Variants in TATDN2 observed in about 807,000 individuals in gnomAD.
The protein encoded by TATDN2 is 3'-5' RNA nuclease TATDN2.
TATDN2 carries 44 observed loss-of-function variants against 60.3 expected under a neutral mutation model. The ratio of observed to expected loss-of-function variants is 0.73; its 90% confidence interval spans 0.57 to 0.94. The LOEUF (loss-of-function observed/expected upper bound fraction) is 0.94. Among genes scored for constraint, TATDN2 ranks in the 40% least tolerant of loss-of-function variants. The pLI is 0.00. For missense variants in TATDN2, 997 were observed against 948.0 expected (o/e 1.05, Z -0.68); for synonymous variants, 399 against 355.8 (o/e 1.12, Z -1.37).
At chr3:10,262,527 CTTTTTTTTT>C (rs60747520) in intron 3 of TATDN2, among the ~76,000 whole-genome samples, 957 of 60,036 alleles carry the variant, frequency 0.016, 26 homozygotes, top group South Asian at 0.084. Context: ...TTCTTCTGGG[CTTTTTTTTT>C]TTTTTTTTTT....
chr3:10,259,684 C>G (rs922830529), intron 2 of TATDN2, among the ~76,000 whole-genome samples: 1 of 152,186 alleles, frequency 6.6e-6, no homozygotes, highest in Non-Finnish European at 1.5e-5. Flanking sequence ...GGGAAAAACA[C>G]TGCACTCAGA....
chr3:10,278,626 G>C lies in TATDN2; in HGVS notation c.2145+164G>C, dbSNP rs1698673131. On this transcript the variant is annotated intron_variant, in intron 6 of 7. Transcript: ENST00000448281. This position sits in a 1 kb window ranked among gnomAD's most constrained non-coding sequence, Gnocchi z 4.7. The stretch of plus-strand genomic sequence containing the variant: ...GTTACTCTGCAGAACCAAAAGTCTA[G>C]GGGGCTGAGAAGCTGAAGGGTAACC... The C allele has an allele frequency of 9.3e-7, 1 of 1,072,598 alleles. No homozygotes were observed. Among genetic ancestry groups the C allele is most frequent in the Non-Finnish European group, 1.4e-6 (1 of 713,730 alleles). 66.4% of individuals were successfully genotyped at this position (1,072,598 alleles called of 1,614,324 possible). A position where few individuals can be genotyped will look rare whatever the true frequency, so the allele number is the denominator to read the frequency against.
chr3:10,264,206 C>T (rs1698447004), intron 3 of TATDN2, among the ~76,000 whole-genome samples: 1 of 152,136 alleles, frequency 6.6e-6, no homozygotes, highest in Non-Finnish European at 1.5e-5. Flanking sequence ...TTTTAATGTT[C>T]TTCTGTAACT....
At chr3:10,271,141 G>A in intron 4 of TATDN2, 126 bp downstream of exon 4, 2 of 1,259,160 alleles carry the variant, frequency 1.6e-6, no homozygotes, top group Non-Finnish European at 2.1e-6. Flanking sequence ...CAGTGTGCTT[G>A]CTCTCATCCA....
intron 2 of TATDN2, among the ~76,000 whole-genome samples, chr3:10,257,302 A>ATATATATATATATATATATATATATG (rs1184346665): frequency 6.8e-6 from 1 of 147,768 alleles, no homozygotes; most frequent in African/African-American, 2.5e-5. Context: ...AATTATATAT[A>ATATATATATATATATATATATATATG]TATATATATA....
At chr3:10,276,596 T>C in intron 5 of TATDN2, 108 bp downstream of exon 5, 1 of 1,438,740 alleles carries the variant, frequency 7.0e-7, no homozygotes, top group South Asian at 1.4e-5. Context: ...CTATTCTTTT[T>C]TTTTTTTTTC....
chr3:10,257,588 C>T (rs1359669816), intron 2 of TATDN2, among the ~76,000 whole-genome samples: 3 of 130,376 alleles, frequency 2.3e-5, no homozygotes, highest in African/African-American at 8.7e-5. Flanking sequence ...GAGATCGCAC[C>T]ACTGTCTCCA....
At chr3:10,261,713 C>T (rs190714467) in intron 3 of TATDN2, among the ~76,000 whole-genome samples, 3 of 152,322 alleles carry the variant, frequency 2.0e-5, no homozygotes, top group Admixed American at 6.5e-5. Flanking sequence ...TACTACTGCT[C>T]TGCAGGCAGC....
chr3:10,262,684 C>T (rs181433433), intron 3 of TATDN2, among the ~76,000 whole-genome samples: 11 of 150,206 alleles, frequency 7.3e-5, no homozygotes, highest in South Asian at 2.1e-4. Flanking sequence ...TACAGGCACA[C>T]GCCACCACAC....
At chr3:10,264,846 T>C (rs561504242) in intron 3 of TATDN2, among the ~76,000 whole-genome samples, 117 of 152,094 alleles carry the variant, frequency 7.7e-4, no homozygotes, top group African/African-American at 2.7e-3. Flanking sequence ...GCCTGTCTAA[T>C]TTTTGTATTT....
chr3:10,275,781 AG>A (rs1378532398), intron 4 of TATDN2, among the ~76,000 whole-genome samples: 2 of 148,398 alleles, frequency 1.3e-5, no homozygotes, highest in African/African-American at 2.5e-5. Flanking sequence ...AAAAAAACAA[AG>A]CAAGTTGTAG....
chr3:10,256,159 T>C (rs1380470957), intron 2 of TATDN2, among the ~76,000 whole-genome samples: 1 of 152,084 alleles, frequency 6.6e-6, no homozygotes, highest in Non-Finnish European at 1.5e-5. Context: ...TTCTTGTGTG[T>C]TATTACTATT....
At chr3:10,265,915 C>G (rs569276703) in intron 3 of TATDN2, among the ~76,000 whole-genome samples, 156 of 152,156 alleles carry the variant, frequency 1.0e-3, no homozygotes, top group African/African-American at 3.6e-3. Flanking sequence ...GCGGCTTCAC[C>G]CTCACTTTGG....
chr3:10,273,204 C>T (rs1698591101), intron 4 of TATDN2, among the ~76,000 whole-genome samples: 1 of 152,094 alleles, frequency 6.6e-6, no homozygotes, highest in South Asian at 2.1e-4. Context: ...GAGTTGCTGG[C>T]TGGGAGAGGG....
At chr3:10,265,802 A>T (rs188451212) in intron 3 of TATDN2, among the ~76,000 whole-genome samples, 245 of 152,056 alleles carry the variant, frequency 1.6e-3, no homozygotes, top group African/African-American at 5.4e-3. Context: ...CCAAGCATCA[A>T]CTTTTGTCCT....
intron 4 of TATDN2, among the ~76,000 whole-genome samples, chr3:10,272,872 CAAAAA>C (rs796447999): frequency 7.5e-6 from 1 of 133,654 alleles, no homozygotes; most frequent in Non-Finnish European, 1.6e-5. Context: ...CTATCTCTAC[CAAAAA>C]AAAAAAAAAA....
chr3:10,278,687 G>A lies in TATDN2; in HGVS notation c.2146-198G>A. 1 of 976,328 alleles carries A rather than the reference G, an allele frequency of 1.0e-6. No individual in the cohort carries two copies. The highest frequency in any genetic ancestry group is 1.4e-5 in the South Asian group (1 of 73,106). The allele number at this position is 976,328 out of a possible 1,614,324, so 60.5% of individuals were successfully genotyped here. ...AGGCAGTGCAAAGCCCTACCCTGTA[G>A]AGGGTAGTCCAAGGAAGCGTGGGAC... is the stretch of plus-strand genomic sequence containing the variant. On this transcript the variant is annotated intron_variant, in intron 6 of 7. Transcript: ENST00000448281. This position sits in a 1 kb window ranked among gnomAD's most constrained non-coding sequence, Gnocchi z 4.7.
At chr3:10,252,693 CTT>C (rs57537171) in intron 2 of TATDN2, among the ~76,000 whole-genome samples, 2 of 147,078 alleles carry the variant, frequency 1.4e-5, no homozygotes, top group Non-Finnish European at 3.0e-5. Context: ...GCTCTGTAAA[CTT>C]TTTTTTTTTG....
chr3:10,249,824 C>T (rs1698194713), intron 2 of TATDN2, among the ~76,000 whole-genome samples: 1 of 152,218 alleles, frequency 6.6e-6, no homozygotes, highest in African/African-American at 2.4e-5. Flanking sequence ...AATTTTCAAA[C>T]TCGGCAGCAC....
Sources: gnomAD v4.1 joint callset for allele counts (sites outside exome capture counted in the v4.1 genomes callset) on GRCh38, gnomAD v4.1.1 for gene constraint, Gnocchi (gnomAD v3.1) non-coding constraint, MANE v1.5 for transcripts, NCBI Gene and HGNC (gene_info 2026-07-23, HGNC 2026-07-21) for gene names.